Variants in C8B observed in about 807,000 individuals in gnomAD.
C8B encodes complement C8 beta chain.
Under a neutral mutation model 64.6 loss-of-function variants are expected in C8B, and 67 were observed. The ratio of observed to expected loss-of-function variants is 1.04; its 90% CI spans 0.85 to 1.27. The LOEUF is 1.27. Ranked by LOEUF, C8B falls within the 50% of genes most tolerant of loss-of-function variation. The pLI, the probability that C8B is intolerant of heterozygous loss-of-function variation, is 0.00. For missense variants in C8B, 790 were observed against 725.2 expected (o/e 1.09, Z -1.03); for synonymous variants, 284 against 257.7 (o/e 1.10, Z -0.98).
chr1:56,950,071 C>T (rs1003317100), intron 5 of C8B, among the ~76,000 whole-genome samples: 14 of 152,138 alleles, frequency 9.2e-5, no homozygotes, highest in African/African-American at 3.4e-4. Flanking sequence ...GGAGGGTGTG[C>T]CCCAGGAACT....
intron 5 of C8B, 80 bp from the exon 6 acceptor site, chr1:56,949,832 C>T: frequency 1.1e-6 from 1 of 950,976 alleles, no homozygotes; most frequent in East Asian, 2.6e-5. Context: ...AGCCACTCTA[C>T]TCCTACCATG....
At chr1:56,950,829 C>G (rs1011980915) in intron 5 of C8B, among the ~76,000 whole-genome samples, 1 of 152,170 alleles carries the variant, frequency 6.6e-6, no homozygotes, top group South Asian at 2.1e-4. Flanking sequence ...CCTGGCACAG[C>G]GCTCAAAGAA....
intron 2 of C8B, chr1:56,959,383 G>T: frequency 1.6e-6 from 1 of 629,512 alleles, no homozygotes; most frequent in East Asian, 2.7e-5. Context: ...AGGAGCTATC[G>T]AAGCTCATAA....
intron 9 of C8B, among the ~76,000 whole-genome samples, chr1:56,934,644 C>T (rs1644750711): frequency 6.6e-6 from 1 of 152,146 alleles, no homozygotes; most frequent in Admixed American, 6.5e-5. Context: ...AAAATTGCTT[C>T]CATTTCTTAA....
chr1:56,959,434 T>C (rs1445919281), intron 2 of C8B: 1 of 755,748 alleles, frequency 1.3e-6, no homozygotes, highest in Non-Finnish European at 2.3e-6. Flanking sequence ...TGAGGAGGAG[T>C]CAAAAAGCTT....
At chr1:56,931,485 C>T in intron 11 of C8B, 1 of 346,256 alleles carries the variant, frequency 2.9e-6, no homozygotes, top group Non-Finnish European at 5.7e-6. Flanking sequence ...GGCATACGTG[C>T]TGGAATTTGA....
chr1:56,947,607 A>G (rs1413724221), intron 6 of C8B, among the ~76,000 whole-genome samples: 1 of 152,122 alleles, frequency 6.6e-6, no homozygotes, highest in Non-Finnish European at 1.5e-5. Flanking sequence ...CCTTTATAGC[A>G]TATGCCATGT....
At chr1:56,954,585 G>C (rs1645074409) in intron 4 of C8B, 101 bp downstream of exon 4, 15 of 1,476,414 alleles carry the variant, frequency 1.0e-5, no homozygotes. Context: ...AGAAAGGTGA[G>C]TGAGGACCTC....
intron 1 of C8B, among the ~76,000 whole-genome samples, chr1:56,960,689 C>A (rs1000315675): frequency 6.6e-6 from 1 of 152,330 alleles, no homozygotes; most frequent in Non-Finnish European, 1.5e-5. Context: ...TGGGGAGAAC[C>A]AGCATATGAG....
chr1:56,934,589 T>A (rs906960108), intron 9 of C8B, among the ~76,000 whole-genome samples: 1 of 152,180 alleles, frequency 6.6e-6, no homozygotes, highest in African/African-American at 2.4e-5. Flanking sequence ...TTAGGGTACG[T>A]CTAAATGCAG....
intron 7 of C8B, among the ~76,000 whole-genome samples, chr1:56,945,602 G>A (rs1644929081): frequency 6.6e-6 from 1 of 152,174 alleles, no homozygotes; most frequent in Non-Finnish European, 1.5e-5. Context: ...AGAACCATGG[G>A]ATTGGATACA....
In C8B at chr1:56,952,150, G is replaced by T; in HGVS notation, c.564C>A (p.Gly188=). Residue 188 remains glycine (G), a synonymous_variant, in exon 5 of 12, where the codon GGC becomes GGA. Coordinates refer to ENST00000371237, the MANE Select transcript of C8B (RefSeq NM_000066.4). The part of the protein sequence containing the change: ...GINLFTNSFE[G]PVLDHRYYAG... ...CATAATACCTGTGATCAAGAACTGG[G>T]CCCTCAAAACTGTTTGTGAACAAAT... 1 of 1,614,132 alleles carries T rather than the reference G, an allele frequency of 6.2e-7. No homozygotes were observed. Among genetic ancestry groups the T allele is most frequent in the African/African-American group, 1.3e-5 (1 of 75,034 alleles).
chr1:56,944,629 A>T (rs938701932), intron 7 of C8B, among the ~76,000 whole-genome samples: 1 of 152,224 alleles, frequency 6.6e-6, no homozygotes, highest in Admixed American at 6.5e-5. Flanking sequence ...ATTGGAGTAC[A>T]TTCGTGAAAC....
intron 9 of C8B, among the ~76,000 whole-genome samples, chr1:56,936,465 T>C (rs541199476): frequency 5.3e-5 from 8 of 152,128 alleles, no homozygotes; most frequent in Non-Finnish European, 1.2e-4. Context: ...AGATGTTTCT[T>C]TCTTCAAAAC....
intron 11 of C8B, among the ~76,000 whole-genome samples, chr1:56,930,072 C>T (rs1300853122): frequency 6.6e-6 from 1 of 152,120 alleles, no homozygotes; most frequent in East Asian, 1.9e-4. Context: ...AAACAGGAGG[C>T]CCTTGCTAAA....
Position 56,941,494 on chromosome 1 carries a change from G to GA in C8B, c.1235-483_1235-482insT, listed in dbSNP as rs1250248363. 2.1e-5 allele frequency among the ~76,000 whole-genome samples: 3 copies of GA among 145,880 alleles called. No individual in the cohort carries two copies. The East Asian group carries it at 6.0e-4, about 29-fold the overall frequency. On this transcript the variant is annotated intron_variant, in intron 8 of 11. Transcript: ENST00000371237. ...AATAGATAGATAATAGTAGATAATA[G>GA]TAGATAGATAGATACATAGATAGAT...
At chr1:56,941,114 C>G in intron 8 of C8B, 102 bp from the exon 9 acceptor site, 1 of 1,318,020 alleles carries the variant, frequency 7.6e-7, no homozygotes, top group East Asian at 2.4e-5. Context: ...ATTCACTGAA[C>G]TTGTCTGAGA....
intron 4 of C8B, among the ~76,000 whole-genome samples, chr1:56,952,827 G>T (rs1402777599): frequency 2.6e-5 from 4 of 152,102 alleles, no homozygotes; most frequent in African/African-American, 9.7e-5. Context: ...CTACCTCATG[G>T]GGATGTTGTG....
In C8B at chr1:56,931,960, G is replaced by T. The variant is rs1644708463; in HGVS notation, c.1553-82C>A. On this transcript the variant is annotated intron_variant, in intron 10 of 11. Coordinates refer to ENST00000371237, the MANE Select transcript of C8B (RefSeq NM_000066.4). ...GGAGCTCAGCCCTCCAATCACTGCA[G>T]TTCCATCAGGTTAAAACAGAGCACA... 7 of 959,882 alleles carry T rather than the reference G, an allele frequency of 7.3e-6. No individual in the cohort carries two copies. The Middle Eastern group carries it at 7.2e-4, about 98-fold the overall frequency. 59.5% of individuals were successfully genotyped at this position (959,882 alleles called of 1,614,324 possible).
Sources: allele counts gnomAD v4.1 joint callset (sites outside exome capture counted in the v4.1 genomes callset), GRCh38; gene constraint gnomAD v4.1.1; transcripts MANE v1.5; gene names NCBI Gene and HGNC (gene_info 2026-07-23, HGNC 2026-07-21).